The following DENND4A variants were observed in gnomAD, a reference collection of about 807,000 sequenced individuals.
DENND4A encodes DENN domain containing 4A.
In DENND4A, 70 loss-of-function variants were observed where a neutral mutation model predicts 199.3. The observed-to-expected ratio is 0.35, with a 90% CI of 0.29 to 0.43. The LOEUF is 0.43. Ranked by LOEUF, DENND4A falls within the 20% of genes least tolerant of loss-of-function variation. DENND4A has a pLI of 1.00. For synonymous variants in DENND4A, 686 were observed against 766.9 expected, an observed-to-expected ratio of 0.89 and a Z score of 1.74; for missense variants, 1,723 against 2,255.8, an observed-to-expected ratio of 0.76 and a Z score of 4.78.
At chr15:65,766,977 G>C (rs1331811532) in intron 1 of DENND4A, among the ~76,000 whole-genome samples, 1 of 152,196 alleles carries the variant, frequency 6.6e-6, no homozygotes, top group African/African-American at 2.4e-5. Flanking sequence ...GTTCTGGACA[G>C]AATAAGAACA....
intron 32 of DENND4A, among the ~76,000 whole-genome samples, chr15:65,663,198 A>AT (rs139708249): frequency 0.03 from 3,420 of 112,170 alleles, 128 homozygotes; most frequent in South Asian, 0.16. Context: ...ATATATATAT[A>AT]TTTTTTTTTT....
intron 9 of DENND4A, among the ~76,000 whole-genome samples, chr15:65,731,075 G>C (rs2075943278): frequency 6.6e-6 from 1 of 152,018 alleles, no homozygotes; most frequent in South Asian, 2.1e-4. Context: ...AAAGATGGCA[G>C]CTAGTCTCCC....
chr15:65,787,319 A>G (rs908376144), intron 1 of DENND4A, among the ~76,000 whole-genome samples: 11 of 152,210 alleles, frequency 7.2e-5, no homozygotes, highest in African/African-American at 2.7e-4. Context: ...ATCAAGAGAG[A>G]CAGGTTTTAA....
chr15:65,688,470 C>T (rs369042609), intron 23 of DENND4A, among the ~76,000 whole-genome samples: 19 of 152,140 alleles, frequency 1.2e-4, no homozygotes, highest in Non-Finnish European at 2.4e-4. Flanking sequence ...ATAATACTTC[C>T]GAGATTGTTG....
At chr15:65,676,153 T>TATATATATATATATATATATATATATAC in intron 24 of DENND4A, among the ~76,000 whole-genome samples, 1 of 145,238 alleles carries the variant, frequency 6.9e-6, no homozygotes, top group Non-Finnish European at 1.5e-5. Context: ...TATATATATA[T>TATATATATATATATATATATATATATAC]ATATATATAT....
At chr15:65,777,099 C>T (rs1309482164) in intron 1 of DENND4A, among the ~76,000 whole-genome samples, 8 of 152,044 alleles carry the variant, frequency 5.3e-5, no homozygotes, top group African/African-American at 1.2e-4. Context: ...ACCCGGGAAG[C>T]GGAGGATGCA....
In DENND4A at chr15:65,701,808, T is replaced by A; in HGVS notation, c.2513A>T (p.Lys838Ile). Residue 838 changes from lysine to isoleucine, a missense_variant, in exon 18 of 33, where the codon AAA becomes ATA. Lys to Ile is a moderately radical substitution (Grantham distance 102). This residue lies in a region of DENND4A where 36 missense variants were observed against 85.7 expected (regional missense o/e 0.42). Coordinates refer to ENST00000443035, the MANE Select transcript of DENND4A (RefSeq NM_001320835.1). ...AATGGCATTGGGGTCAATACCAGCTTTCTGCATTTCAAAAAGCACTCGAAC... is the reference window on the plus strand; with the variant it reads ...AATGGCATTGGGGTCAATACCAGCTATCTGCATTTCAAAAAGCACTCGAAC... ...LAVRVLFEMQ[K>I]AGIDPNAITY... 1 of 1,613,902 alleles carries A rather than the reference T, an allele frequency of 6.2e-7. No individual in the cohort carries two copies. The highest frequency in any genetic ancestry group is 8.5e-7 in the Non-Finnish European group (1 of 1,179,802).
intron 17 of DENND4A, among the ~76,000 whole-genome samples, 178 bp downstream of exon 17, chr15:65,702,127 G>A (rs2074893051): frequency 1.3e-5 from 2 of 152,134 alleles, no homozygotes; most frequent in South Asian, 4.1e-4. Flanking sequence ...AGCCAGGCGT[G>A]GTGGCACATG....
At chr15:65,690,369 A>G in intron 23 of DENND4A, 46 bp downstream of exon 23, 4 of 1,506,508 alleles carry the variant, frequency 2.7e-6, no homozygotes, top group Non-Finnish European at 3.5e-6. Context: ...GTGGTGATGG[A>G]TATGTGTGTG....
At chr15:65,731,934 C>A (rs1308060754) in intron 8 of DENND4A, among the ~76,000 whole-genome samples, 1 of 152,006 alleles carries the variant, frequency 6.6e-6, no homozygotes, top group Non-Finnish European at 1.5e-5. Context: ...TCAATGGTTT[C>A]CCCTGATGCC....
intron 11 of DENND4A, among the ~76,000 whole-genome samples, chr15:65,726,904 T>A (rs752894266): frequency 3.3e-5 from 5 of 151,898 alleles, no homozygotes; most frequent in Non-Finnish European, 5.9e-5. Flanking sequence ...TGCAGTGAGC[T>A]GAGATTACAC....
chr15:65,761,838 T>A (rs1330664688), intron 1 of DENND4A, among the ~76,000 whole-genome samples: 1 of 152,120 alleles, frequency 6.6e-6, no homozygotes, highest in Non-Finnish European at 1.5e-5. Flanking sequence ...ACATTTAACA[T>A]AATTCAAATA....
intron 11 of DENND4A, among the ~76,000 whole-genome samples, chr15:65,726,348 T>A (rs898145226): frequency 5.9e-5 from 9 of 152,300 alleles, no homozygotes; most frequent in African/African-American, 2.2e-4. Flanking sequence ...CTTACCACTG[T>A]TAATTTCAAT....
At chr15:65,764,959 G>A (rs1237707079) in intron 1 of DENND4A, among the ~76,000 whole-genome samples, 2 of 137,318 alleles carry the variant, frequency 1.5e-5, no homozygotes, top group East Asian at 2.1e-4. Context: ...GTGACAGAGC[G>A]AGACCCTGTC....
chr15:65,780,205 T>C (rs1451812989), intron 1 of DENND4A, among the ~76,000 whole-genome samples: 2 of 152,188 alleles, frequency 1.3e-5, no homozygotes, highest in African/African-American at 4.8e-5. Context: ...CTAGGCCCAT[T>C]CTGTGCTCTT....
At chr15:65,681,714 C>T (rs1044726313) in intron 23 of DENND4A, among the ~76,000 whole-genome samples, 2 of 151,858 alleles carry the variant, frequency 1.3e-5, no homozygotes, top group African/African-American at 4.8e-5. Context: ...TAGCTGGGAC[C>T]ACAGGCATGT....
rs1596407060 is a variant in DENND4A, at chr15:65,678,241, T to C, written c.4180-1607A>G. ...CAGCACCTGGCCTCATACTTTTCTT[T>C]TTCAAAATTTTCTTGATTATTCTCA... On this transcript the variant is annotated intron_variant, in intron 23 of 32. Coordinates refer to ENST00000443035, the MANE Select transcript of DENND4A (RefSeq NM_001320835.1). 2.6e-5 allele frequency among the ~76,000 whole-genome samples: 4 copies of C among 152,350 alleles called. No homozygotes were observed. In the South Asian group the frequency reaches 8.3e-4, roughly 32 times the overall value.
rs1480348591 is a variant in DENND4A at position 65,672,010 on chromosome 15, T to C, written c.4370-124A>G. ...CCTATTCCAGTCAAAATATTAAAAC[T>C]AATTAGGAAAAACAAATAAATAATG... On this transcript the variant is annotated intron_variant, in intron 24 of 32. Transcript: ENST00000443035. 3 of 657,466 alleles carry C rather than the reference T, an allele frequency of 4.6e-6. No individual in the cohort carries two copies. In the Admixed American group the frequency reaches 8.1e-5, roughly 18 times the overall value. The allele number at this position is 657,466 out of a possible 1,614,324, so 40.7% of individuals were successfully genotyped here.
chr15:65,679,463 T>C (rs1210336942), intron 23 of DENND4A, among the ~76,000 whole-genome samples: 1 of 152,176 alleles, frequency 6.6e-6, no homozygotes, highest in Non-Finnish European at 1.5e-5. Flanking sequence ...TGCTATAGTT[T>C]TTTGATACTC....
Sources: allele counts gnomAD v4.1 joint callset (sites outside exome capture counted in the v4.1 genomes callset), GRCh38; gene constraint gnomAD v4.1.1; regional missense constraint gnomAD v4.1.1; transcripts MANE v1.5; gene names NCBI Gene and HGNC (gene_info 2026-07-23, HGNC 2026-07-21).